ADRA1A: variants seen among roughly 807,000 people sequenced by gnomAD.
The protein encoded by ADRA1A is alpha-1A adrenergic receptor.
A neutral mutation model predicts 29.6 loss-of-function variants in ADRA1A; 31 were observed. That is an observed-to-expected ratio of 1.05 (90% CI 0.79 to 1.41). The LOEUF is 1.41. ADRA1A is among the 40% of genes most tolerant of loss of function. The pLI is 0.00. For synonymous variants in ADRA1A, 311 were observed against 254.3 expected, an observed-to-expected ratio of 1.22 and a Z score of -2.12; for missense variants, 619 against 601.1, an observed-to-expected ratio of 1.03 and a Z score of -0.31.
At chr8:26,822,366 C>A (rs549149096) in intron 2 of ADRA1A, among the ~76,000 whole-genome samples, 1 of 152,264 alleles carries the variant, frequency 6.6e-6, no homozygotes, top group East Asian at 1.9e-4. Context: ...ATTATACAAA[C>A]AAGTTCTTAG....
chr8:26,826,649 C>A (rs1049965633), intron 2 of ADRA1A, among the ~76,000 whole-genome samples: 1 of 152,162 alleles, frequency 6.6e-6, no homozygotes, highest in Non-Finnish European at 1.5e-5. Flanking sequence ...GCTCATCGAC[C>A]CTATGCCCTT....
chr8:26,829,191 C>G (rs991525854), intron 2 of ADRA1A, among the ~76,000 whole-genome samples: 1 of 152,064 alleles, frequency 6.6e-6, no homozygotes, highest in African/African-American at 2.4e-5. Flanking sequence ...GGAGACTCAC[C>G]TAATGCCAAA....
Position 26,864,632 on chromosome 8 carries a change from G to C in ADRA1A, c.338C>G (p.Ser113Cys), listed in dbSNP as rs370082307. 3 of 1,614,140 alleles carry C rather than the reference G, an allele frequency of 1.9e-6. No homozygotes were observed. The highest frequency in any genetic ancestry group is 1.7e-5 in the Admixed American group (1 of 60,030). ...GGAGATGATGCAGAGGCCCATGATG[G>C]ACGCGGTGCAGCACAGCACATCCAC... is the stretch of plus-strand genomic sequence containing the variant. ...AAVDVLCCTASIMGLCIISID... is the reference protein window; with the variant it reads ...AAVDVLCCTACIMGLCIISID... The change falls in exon 2 of 3, where the codon TCC becomes TGC. Residue 113 changes from serine (S) to cysteine (C), a missense_variant. Coordinates refer to ENST00000380573, the MANE Select transcript of ADRA1A (RefSeq NM_000680.4). This position sits in a 1 kb window ranked among gnomAD's most constrained non-coding sequence, Gnocchi z 8.1.
At position 26,864,695 on chromosome 8, in the gene ADRA1A, C is replaced by G. The variant is rs1301029687; in HGVS notation, c.275G>C (p.Trp92Ser). ...GTTGCAGAAGACCCTGCCGAAGGCC[C>G]AGTAGCCTAGGACCTCGAAGATGGC... ...FSAIFEVLGYWAFGRVFCNIW... is the reference protein window; with the variant it reads ...FSAIFEVLGYSAFGRVFCNIW... The change falls in exon 2 of 3, where the codon TGG becomes TCG. Residue 92 changes from tryptophan (W) to serine (S), a missense_variant. By Grantham distance (177) the Trp-to-Ser change is radical. Coordinates refer to ENST00000380573, the MANE Select transcript of ADRA1A (RefSeq NM_000680.4). The surrounding 1 kb of genome is among the most constrained non-coding windows in gnomAD (Gnocchi z 8.1). 2 of 1,614,044 alleles carry G rather than the reference C, an allele frequency of 1.2e-6. No individual in the cohort carries two copies. The highest frequency in any genetic ancestry group is 2.2e-5 in the South Asian group (2 of 91,082).
chr8:26,761,525 T>A (rs550449784), downstream of ADRA1A, among the ~76,000 whole-genome samples: 20 of 152,170 alleles, frequency 1.3e-4, no homozygotes, highest in African/African-American at 4.6e-4. Context: ...AAGAAGAAAT[T>A]GGGACAGAGA....
intron 2 of ADRA1A, among the ~76,000 whole-genome samples, chr8:26,749,858 G>T (rs962280708): frequency 6.6e-6 from 1 of 152,136 alleles, no homozygotes; most frequent in Non-Finnish European, 1.5e-5. Flanking sequence ...TATCTCCATT[G>T]CTTTACGATC....
At position 26,866,903 on chromosome 8, in the gene ADRA1A, G is replaced by C; in HGVS notation, c.-687+33C>G. On this transcript the variant is annotated intron_variant, in intron 1 of 2. Transcript: ENST00000380573. The surrounding 1 kb of genome is among the most constrained non-coding windows in gnomAD (Gnocchi z 5.7). ...GGGGGAGGTCTGCCCTCACCCACTC[G>C]GCCCTGCGGGACGCCGGCCCCGGCG... 3 of 985,410 alleles carry C rather than the reference G, an allele frequency of 3.0e-6. No homozygotes were observed. Among genetic ancestry groups the C allele is most frequent in the Non-Finnish European group, 3.6e-6 (3 of 829,962 alleles). 61.0% of individuals were successfully genotyped at this position (985,410 alleles called of 1,614,324 possible).
chr8:26,760,766 T>A (rs1201178893), intron 2 of ADRA1A, among the ~76,000 whole-genome samples: 1 of 152,222 alleles, frequency 6.6e-6, no homozygotes, highest in African/African-American at 2.4e-5. Context: ...CAAATGTCTC[T>A]GGGTAAGCAT....
At chr8:26,844,739 A>T (rs572558033) in intron 2 of ADRA1A, among the ~76,000 whole-genome samples, 1 of 152,298 alleles carries the variant, frequency 6.6e-6, no homozygotes, top group African/African-American at 2.4e-5. Flanking sequence ...CTCAAAATGG[A>T]TCAAGGACCT....
Position 26,811,678 on chromosome 8 carries a change from G to A in ADRA1A, c.884-41012C>T, listed in dbSNP as rs116476145. 3.3e-3 allele frequency among the ~76,000 whole-genome samples: 508 copies of A among 152,224 alleles called. 2 individuals carry two copies. Among genetic ancestry groups the A allele is most frequent in the African/African-American group, 0.012 (481 of 41,520 alleles). On this transcript the variant is annotated intron_variant, in intron 2 of 2. Transcript: ENST00000380573. ...TTTAGATGGATATAACTTAAGATTT[G>A]TAAAGTTCCAAATCTTCAGATATAG...
downstream of ADRA1A, chr8:26,765,880 A>T: frequency 1.4e-6 from 2 of 1,415,274 alleles, no homozygotes; most frequent in Non-Finnish European, 1.8e-6. Context: ...TGCCCAAGCA[A>T]ATAGTTCCTA....
chr8:26,837,042 G>C (rs1304056244), intron 2 of ADRA1A, among the ~76,000 whole-genome samples: 4 of 151,946 alleles, frequency 2.6e-5, no homozygotes, highest in Non-Finnish European at 5.9e-5. Context: ...CTGGGTAATG[G>C]GCCCTCACCT....
At position 26,848,009 on chromosome 8, in the gene ADRA1A, C is replaced by T. The variant is rs181061833; in HGVS notation, c.883+16078G>A. Among the ~76,000 whole-genome samples the T allele has an allele frequency of 6.6e-6, 1 of 152,326 alleles. No homozygotes were observed. Among genetic ancestry groups the T allele is most frequent in the East Asian group, 1.9e-4 (1 of 5,182 alleles). On this transcript the variant is annotated intron_variant, in intron 2 of 2. Coordinates refer to ENST00000380573, the MANE Select transcript of ADRA1A (RefSeq NM_000680.4). The surrounding 1 kb of genome is among the most constrained non-coding windows in gnomAD (Gnocchi z 4.3). ...AGCTGAGAAGTTTGAAAGCCACTGG[C>T]TCAACCCAAGCCCCTCTCCTACAGA...
chr8:26,804,124 G>A lies in ADRA1A; in HGVS notation c.884-33458C>T, dbSNP rs141754021. Among the ~76,000 whole-genome samples, 194 of 152,040 alleles carry A rather than the reference G, an allele frequency of 1.3e-3. 2 individuals carry two copies. The highest frequency in any genetic ancestry group is 4.5e-3 in the African/African-American group (186 of 41,490). On this transcript the variant is annotated intron_variant, in intron 2 of 2. Coordinates refer to ENST00000380573, the MANE Select transcript of ADRA1A (RefSeq NM_000680.4). The stretch of plus-strand genomic sequence containing the variant: ...TTTTTTAGAGTCGGGGTCTTGCTAT[G>A]TTGTCCAGGCTGGTCTCAAACTCAA...
chr8:26,777,700 G>A (rs150851552), intron 2 of ADRA1A, among the ~76,000 whole-genome samples: 5 of 152,336 alleles, frequency 3.3e-5, no homozygotes, highest in Non-Finnish European at 7.4e-5. Flanking sequence ...TTGGTAAAGT[G>A]AGGAAGGTGG....
intron 2 of ADRA1A, among the ~76,000 whole-genome samples, chr8:26,852,636 A>G (rs116469960): frequency 0.021 from 3,262 of 152,264 alleles, 131 homozygotes; most frequent in African/African-American, 0.074. Context: ...CGATCAGAAC[A>G]GACCACTATC....
intron 2 of ADRA1A, among the ~76,000 whole-genome samples, chr8:26,802,976 A>G (rs1344428613): frequency 6.6e-6 from 1 of 152,194 alleles, no homozygotes. Flanking sequence ...CCAGGCAAGG[A>G]AAGACAAACT....
chr8:26,851,398 C>T (rs552030346), intron 2 of ADRA1A, among the ~76,000 whole-genome samples: 201 of 152,080 alleles, frequency 1.3e-3, no homozygotes, highest in African/African-American at 4.0e-3. Flanking sequence ...ACCCGTTTTA[C>T]GAAAGACTGA....
At chr8:26,794,228 C>G (rs1017866013) in intron 2 of ADRA1A, among the ~76,000 whole-genome samples, 1 of 152,032 alleles carries the variant, frequency 6.6e-6, no homozygotes, top group Non-Finnish European at 1.5e-5. Context: ...TGAGGTGGCT[C>G]TTTTTGTATT....
Sources: allele counts gnomAD v4.1 joint callset (sites outside exome capture counted in the v4.1 genomes callset), GRCh38; gene constraint gnomAD v4.1.1; non-coding constraint Gnocchi (gnomAD v3.1); transcripts MANE v1.5; gene names NCBI Gene and HGNC (gene_info 2026-07-23, HGNC 2026-07-21).